DNPEP: variants seen among roughly 807,000 people sequenced by gnomAD.
The protein encoded by DNPEP is aspartyl aminopeptidase.
DNPEP carries 46 observed loss-of-function variants against 59.1 expected under a neutral mutation model. The ratio of observed to expected loss-of-function variants is 0.78; its 90% CI spans 0.61 to 0.99. The LOEUF (loss-of-function observed/expected upper bound fraction) is 0.99, where lower values mean the gene tolerates loss of function less well. DNPEP is among the 50% of genes least tolerant of loss of function. The pLI, the probability that DNPEP is intolerant of heterozygous loss-of-function variation, is 0.00. For synonymous variants in DNPEP, 229 were observed against 242.2 expected, an observed-to-expected ratio of 0.95 and a Z score of 0.50; for missense variants, 617 against 649.9, an observed-to-expected ratio of 0.95 and a Z score of 0.55.
upstream of DNPEP, among the ~76,000 whole-genome samples, chr2:219,393,122 A>C (rs1954044572): frequency 6.6e-6 from 1 of 152,212 alleles, no homozygotes; most frequent in Admixed American, 6.5e-5. Flanking sequence ...CTTGGGCCAC[A>C]AATAAAATAC....
Position 219,387,800 on chromosome 2 carries a change from C to T in DNPEP, c.-6G>A. 2 of 1,590,154 alleles carry T rather than the reference C, an allele frequency of 1.3e-6. No homozygotes were observed. Among genetic ancestry groups the T allele is most frequent in the Non-Finnish European group, 1.7e-6 (2 of 1,169,808 alleles). On this transcript the variant is annotated 5_prime_UTR_variant, in exon 1 of 15. Transcript: ENST00000273075. Reference sequence around the variant, plus strand: ...GTGGGGCTGTGTCCGCTCATCTGGCCTCCGGGCTCGGCCCGCCCCCACCGC... The same window carrying T: ...GTGGGGCTGTGTCCGCTCATCTGGCTTCCGGGCTCGGCCCGCCCCCACCGC...
Position 219,373,464 on chromosome 2 carries a change from A to G in DNPEP, c.*828T>C, listed in dbSNP as rs771527739. 2.0e-5 allele frequency: 3 copies of G among 152,188 alleles called. No individual in the cohort carries two copies. The highest frequency in any genetic ancestry group is 7.2e-5 in the African/African-American group (3 of 41,420). 9.4% of individuals were successfully genotyped at this position (152,188 alleles called of 1,614,324 possible). Reference sequence around the variant, plus strand: ...AACCTACGCCTCCTTGGTTCAAGCTATTCTCCTGCCTCAGTCTCCTGAATA... The same window carrying G: ...AACCTACGCCTCCTTGGTTCAAGCTGTTCTCCTGCCTCAGTCTCCTGAATA... On this transcript the variant is annotated 3_prime_UTR_variant, in exon 15 of 15. Transcript: ENST00000273075.
At position 219,374,338 on chromosome 2, in the gene DNPEP, A is replaced by C. The variant is rs1490344703; in HGVS notation, c.1412T>G (p.Phe471Cys). The change falls in exon 15 of 15, where the codon TTC (phenylalanine) becomes TGC (cysteine). Residue 471 changes from phenylalanine (F) to cysteine (C), a missense_variant. Phe to Cys is a radical substitution (Grantham distance 205). Coordinates refer to ENST00000273075, the MANE Select transcript of DNPEP (RefSeq NM_012100.4). Reference sequence around the variant, plus strand: ...GCTTAGAGAAGGGAACAGCTCAAAGAAGCCCTATAATGGGAGGCAACATGG... The same window carrying C: ...GCTTAGAGAAGGGAACAGCTCAAAGCAGCCCTATAATGGGAGGCAACATGG... ...VLQTLTLFKG[F>C]FELFPSLSHN... 6.2e-7 allele frequency: 1 copy of C among 1,614,090 alleles called. No individual in the cohort carries two copies.
At chr2:219,390,072 C>A (rs1953991260), upstream of DNPEP, among the ~76,000 whole-genome samples, 1 of 151,738 alleles carries the variant, frequency 6.6e-6, no homozygotes, top group Non-Finnish European at 1.5e-5. Flanking sequence ...CACCAAAATG[C>A]ATAACTTAGA....
intron 1 of DNPEP, 160 bp downstream of exon 1, chr2:219,387,599 T>C: frequency 6.5e-7 from 1 of 1,532,032 alleles, no homozygotes; most frequent in Non-Finnish European, 8.8e-7. Flanking sequence ...GGACTCCCCC[T>C]TCCAGTCCCG....
chr2:219,374,830 A>G (rs752486593), intron 14 of DNPEP, 25 bp downstream of exon 14: 1 of 1,603,376 alleles, frequency 6.2e-7, no homozygotes. Context: ...CCCAGCTGCC[A>G]GAGAGGGTCT....
chr2:219,397,837 G>A (rs188893026), intron 1 of DNPEP, among the ~76,000 whole-genome samples: 2 of 152,034 alleles, frequency 1.3e-5, no homozygotes, highest in Admixed American at 6.5e-5. Flanking sequence ...TGATTCACCC[G>A]CCTCGGCCTC....
chr2:219,391,679 C>T (rs1490183583), upstream of DNPEP, among the ~76,000 whole-genome samples: 2 of 151,982 alleles, frequency 1.3e-5, no homozygotes, highest in African/African-American at 4.8e-5. Flanking sequence ...CTATTCCACC[C>T]GTACTGTACA....
chr2:219,381,154 A>G (rs1423571097), intron 13 of DNPEP, among the ~76,000 whole-genome samples, 181 bp downstream of exon 13: 2 of 152,368 alleles, frequency 1.3e-5, no homozygotes, highest in South Asian at 2.1e-4. Context: ...TCACACAGCT[A>G]GCACTGCAGC....
chr2:219,374,418 A>C (rs779426440), intron 14 of DNPEP, 76 bp from the exon 15 acceptor site: 48 of 1,350,980 alleles, frequency 3.6e-5, no homozygotes, highest in Non-Finnish European at 5.1e-5. Context: ...ACCTCCCACC[A>C]ACATATGTTC....
rs1483075133 is a variant in DNPEP at position 219,373,098 on chromosome 2, C to A, written c.*1194G>T. On this transcript the variant is annotated 3_prime_UTR_variant, in exon 15 of 15. Coordinates refer to ENST00000273075, the MANE Select transcript of DNPEP (RefSeq NM_012100.4). ...TCTTTTTTTTTTTTTGAGAGAGTTT[C>A]ACCCTTGTTGCCCAGGCTAGAGTGC... 6.7e-6 allele frequency among the ~76,000 whole-genome samples: 1 copy of A among 149,538 alleles called. No homozygotes were observed. The highest frequency in any genetic ancestry group is 1.5e-5 in the Non-Finnish European group (1 of 67,524).
chr2:219,386,631 C>G (rs1452909142), intron 4 of DNPEP, 34 bp downstream of exon 4: 1 of 1,580,002 alleles, frequency 6.3e-7, no homozygotes, highest in East Asian at 2.3e-5. Flanking sequence ...CCTCTGACAT[C>G]TCCTCCCACC....
At chr2:219,387,305 G>A (rs1953890132) in intron 1 of DNPEP, 142 bp from the exon 2 acceptor site, 3 of 1,447,918 alleles carry the variant, frequency 2.1e-6, no homozygotes, top group South Asian at 1.5e-5. Context: ...CCCACCGAGA[G>A]ACCCAAACCC....
upstream of DNPEP, among the ~76,000 whole-genome samples, chr2:219,391,348 C>T (rs554988397): frequency 5.3e-5 from 8 of 152,190 alleles, no homozygotes; most frequent in Admixed American, 1.3e-4. Flanking sequence ...AAATGTTCCC[C>T]GTGGCCGATT....
intron 9 of DNPEP, among the ~76,000 whole-genome samples, chr2:219,384,165 T>A (rs1437214754): frequency 1.3e-5 from 2 of 152,228 alleles, no homozygotes; most frequent in Non-Finnish European, 2.9e-5. Flanking sequence ...ACCCTGATAG[T>A]GCAAGGGCAG....
At chr2:219,388,694 C>T (rs553386606), upstream of DNPEP, 3 of 985,742 alleles carry the variant, frequency 3.0e-6, no homozygotes, top group Non-Finnish European at 3.6e-6. Flanking sequence ...CTCGCCCCTC[C>T]AGCTCACCGG....
upstream of DNPEP, chr2:219,393,703 C>T (rs1954053977): frequency 6.6e-6 from 1 of 152,264 alleles, no homozygotes; most frequent in Non-Finnish European, 1.5e-5. Context: ...CATCCAGTGT[C>T]TTCCTCCATC....
chr2:219,386,634 C>T (rs756683793), intron 4 of DNPEP, 31 bp downstream of exon 4: 2 of 1,584,262 alleles, frequency 1.3e-6, no homozygotes, highest in East Asian at 2.3e-5. Flanking sequence ...CTGACATCTC[C>T]TCCCACCCCA....
chr2:219,379,832 C>T (rs1009081096), intron 13 of DNPEP, among the ~76,000 whole-genome samples: 1 of 151,974 alleles, frequency 6.6e-6, no homozygotes, highest in Non-Finnish European at 1.5e-5. Flanking sequence ...GAGGCAGAAT[C>T]GCTTGAACCT....
Sources: gnomAD v4.1 joint callset for allele counts (sites outside exome capture counted in the v4.1 genomes callset) on GRCh38, gnomAD v4.1.1 for gene constraint, MANE v1.5 for transcripts, NCBI Gene and HGNC (gene_info 2026-07-23, HGNC 2026-07-21) for gene names.